Variants in ADAM32 observed in about 807,000 individuals in gnomAD.
ADAM32 encodes the protein disintegrin and metalloproteinase domain-containing protein 32.
A neutral mutation model predicts 114.9 loss-of-function variants in ADAM32; 89 were observed. The observed-to-expected ratio is 0.77, with a 90% CI of 0.65 to 0.92. The LOEUF is 0.92. Ranked by LOEUF, ADAM32 falls within the 40% of genes least tolerant of loss-of-function variation. ADAM32 has a pLI of 0.00. For missense variants in ADAM32, 870 were observed against 932.8 expected (o/e 0.93, Z 0.88); for synonymous variants, 285 against 307.5 (o/e 0.93, Z 0.77).
chr8:39,118,022 C>T, intron 1 of ADAM32, 64 bp from the exon 2 acceptor site: 1 of 1,084,034 alleles, frequency 9.2e-7, no homozygotes, highest in Non-Finnish European at 1.3e-6. Flanking sequence ...ATGAAAGAAA[C>T]TGAACAGATA....
chr8:39,222,180 A>G (rs181729939), intron 13 of ADAM32, among the ~76,000 whole-genome samples: 1 of 152,174 alleles, frequency 6.6e-6, no homozygotes, highest in Non-Finnish European at 1.5e-5. Context: ...TTCAAAGATC[A>G]TTTGACTTAA....
At position 39,284,902 on chromosome 8, in the gene ADAM32, T is replaced by C. The variant is rs1813682446; in HGVS notation, c.*103T>C. 2.8e-6 allele frequency: 4 copies of C among 1,446,570 alleles called. No individual in the cohort carries two copies. In the African/African-American group the frequency reaches 4.2e-5, roughly 15 times the overall value. 89.6% of individuals were successfully genotyped at this position (1,446,570 alleles called of 1,614,324 possible). On this transcript the variant is annotated 3_prime_UTR_variant, in exon 25 of 25. Transcript: ENST00000379907. ...CAGCTGAAAGAAACAATAAATTGAGTGTGGATCAATTTGCATGCCAGCGTG... is the reference window on the plus strand; with the variant it reads ...CAGCTGAAAGAAACAATAAATTGAGCGTGGATCAATTTGCATGCCAGCGTG...
intron 5 of ADAM32, among the ~76,000 whole-genome samples, chr8:39,150,421 A>G (rs1803752972): frequency 1.3e-5 from 2 of 152,200 alleles, no homozygotes; most frequent in Non-Finnish European, 2.9e-5. Context: ...TGTTGGAGAT[A>G]TGAAGATAAA....
chr8:39,262,763 A>C (rs1428341173), intron 19 of ADAM32, among the ~76,000 whole-genome samples: 1 of 151,188 alleles, frequency 6.6e-6, no homozygotes, highest in African/African-American at 2.4e-5. Context: ...GCTGGAGTGC[A>C]GTAGTGTTTT....
At chr8:39,196,743 C>T (rs772672123) in intron 11 of ADAM32, among the ~76,000 whole-genome samples, 2 of 151,774 alleles carry the variant, frequency 1.3e-5, no homozygotes, top group South Asian at 4.1e-4. Flanking sequence ...TTTACTAATA[C>T]GTTGTTGAGA....
intron 12 of ADAM32, among the ~76,000 whole-genome samples, chr8:39,215,727 T>C (rs1808512151): frequency 6.6e-6 from 1 of 152,034 alleles, no homozygotes; most frequent in African/African-American, 2.4e-5. Flanking sequence ...GTTTCTTGTT[T>C]TATTGCATTG....
At position 39,234,073 on chromosome 8, in the gene ADAM32, T is replaced by C; in HGVS notation, c.1809T>C (p.Asp603=). ...CTGTCAAAAATGGCTCTCAGTGTGATATTGGGAGGGTAAATAATTTAAAAT... is the reference window on the plus strand; with the variant it reads ...CTGTCAAAAATGGCTCTCAGTGTGACATTGGGAGGGTAAATAATTTAAAAT... ...PLAVKNGSQC[D]IGRVCVNREC... is the part of the protein sequence containing the mutation. The change falls in exon 16 of 25, where the codon GAT becomes GAC. Residue 603 remains aspartate (D), a synonymous_variant. Transcript: ENST00000379907. The C allele has an allele frequency of 7.2e-7, 1 of 1,398,556 alleles. No homozygotes were observed. The highest frequency in any genetic ancestry group is 9.4e-7 in the Non-Finnish European group (1 of 1,069,104). The allele number at this position is 1,398,556 out of a possible 1,614,324, so 86.6% of individuals were successfully genotyped here. A position where few individuals can be genotyped will look rare whatever the true frequency, so the allele number is the denominator to read the frequency against.
chr8:39,213,169 A>G (rs1264410262), intron 12 of ADAM32, among the ~76,000 whole-genome samples: 1 of 152,122 alleles, frequency 6.6e-6, no homozygotes, highest in East Asian at 1.9e-4. Context: ...TTGTGGAGAA[A>G]ACATTTAAAA....
Position 39,236,666 on chromosome 8 carries a change from A to G in ADAM32, c.1818+2584A>G, listed in dbSNP as rs111940748. Reference sequence around the variant, plus strand: ...ATTGATGAGCTTATATTGACACATCATTATCACCCAAAATTCATAGTTTAC... The same window carrying G: ...ATTGATGAGCTTATATTGACACATCGTTATCACCCAAAATTCATAGTTTAC... On this transcript the variant is annotated intron_variant, in intron 16 of 24. Coordinates refer to ENST00000379907, the MANE Select transcript of ADAM32 (RefSeq NM_145004.7). Among the ~76,000 whole-genome samples the G allele has an allele frequency of 6.6e-5, 10 of 152,330 alleles. 1 individual carries two copies. The highest frequency in any genetic ancestry group is 2.4e-4 in the African/African-American group (10 of 41,586).
chr8:39,172,808 T>G (rs565063767), intron 10 of ADAM32, among the ~76,000 whole-genome samples: 2 of 152,270 alleles, frequency 1.3e-5, no homozygotes, highest in South Asian at 4.1e-4. Flanking sequence ...AACATACAGG[T>G]GCATGTGTCT....
chr8:39,151,547 A>C lies in ADAM32; in HGVS notation c.524A>C (p.Lys175Thr). The change falls in exon 6 of 25, where the codon AAA becomes ACA. Residue 175 changes from lysine (K) to threonine (T), a missense_variant and splice_region_variant. Physicochemically the swap from Lys to Thr is moderately conservative, Grantham distance 78 (BLOSUM62 -1). Transcript: ENST00000379907. Reference sequence around the variant, plus strand: ...GATGACAACATTTTTATAAGTGAAAAAGTGAGTTGTATATGTTTTATTACT... The same window carrying C: ...GATGACAACATTTTTATAAGTGAAACAGTGAGTTGTATATGTTTTATTACT... ...PMDDNIFISE[K>T]SEPAVPDLFP... 1 of 1,556,852 alleles carries C rather than the reference A, an allele frequency of 6.4e-7. No individual in the cohort carries two copies. The highest frequency in any genetic ancestry group is 8.6e-7 in the Non-Finnish European group (1 of 1,156,452).
intron 2 of ADAM32, among the ~76,000 whole-genome samples, chr8:39,120,073 C>A (rs1364616934): frequency 1.3e-5 from 2 of 152,180 alleles, no homozygotes; most frequent in African/African-American, 4.8e-5. Flanking sequence ...AGAAATCAGC[C>A]CTGTTGGCAC....
intron 17 of ADAM32, among the ~76,000 whole-genome samples, chr8:39,246,958 A>G (rs1810971076): frequency 6.6e-6 from 1 of 152,126 alleles, no homozygotes; most frequent in African/African-American, 2.4e-5. Flanking sequence ...TATAGTATGT[A>G]GCCTTTTCAG....
intron 19 of ADAM32, among the ~76,000 whole-genome samples, chr8:39,266,488 AG>A (rs1328833599): frequency 1.3e-5 from 2 of 152,154 alleles, no homozygotes; most frequent in Non-Finnish European, 2.9e-5. Flanking sequence ...AAATTCCTGT[AG>A]TGAATTTCTC....
intron 1 of ADAM32, among the ~76,000 whole-genome samples, chr8:39,111,668 C>T (rs752827402): frequency 9.3e-5 from 13 of 140,270 alleles, no homozygotes; most frequent in Non-Finnish European, 1.8e-4. Context: ...TTGCAGTGAG[C>T]CAATATCGCA....
intron 18 of ADAM32, 116 bp downstream of exon 18, chr8:39,254,632 T>C (rs1811524623): frequency 1.4e-6 from 1 of 709,058 alleles, no homozygotes; most frequent in Non-Finnish European, 2.2e-6. Flanking sequence ...AATAAAAAGG[T>C]AATCAGAATT....
At chr8:39,118,444 T>A (rs1840465177) in intron 2 of ADAM32, among the ~76,000 whole-genome samples, 1 of 152,170 alleles carries the variant, frequency 6.6e-6, no homozygotes, top group Admixed American at 6.5e-5. Context: ...ATCTAGGACA[T>A]CAGCACAAAG....
At chr8:39,197,404 G>A (rs1336513934) in intron 11 of ADAM32, among the ~76,000 whole-genome samples, 5 of 151,616 alleles carry the variant, frequency 3.3e-5, no homozygotes. Context: ...AGTTCCTGAA[G>A]TACATCATTA....
intron 16 of ADAM32, among the ~76,000 whole-genome samples, chr8:39,235,515 G>C (rs7821206): frequency 0.085 from 12,924 of 152,048 alleles, 1,880 homozygotes; most frequent in African/African-American, 0.29. Context: ...AAAAGAAAAA[G>C]CCTAAAAAAT....
Sources: allele counts gnomAD v4.1 joint callset (sites outside exome capture counted in the v4.1 genomes callset), GRCh38; gene constraint gnomAD v4.1.1; transcripts MANE v1.5; gene names NCBI Gene and HGNC (gene_info 2026-07-23, HGNC 2026-07-21).